The following THRB variants were observed in gnomAD, a reference collection of about 807,000 sequenced individuals.
The protein encoded by THRB is thyroid hormone receptor beta.
Under a neutral mutation model 47.8 loss-of-function variants are expected in THRB, and 12 were observed. The observed-to-expected ratio is 0.25, with a 90% CI of 0.16 to 0.41. The LOEUF (loss-of-function observed/expected upper bound fraction) is 0.41, where lower values mean the gene tolerates loss of function less well. Ranked by LOEUF, THRB falls within the 10% of genes least tolerant of loss-of-function variation. THRB has a pLI of 1.00. For synonymous variants in THRB, 218 were observed against 212.2 expected, an observed-to-expected ratio of 1.03 and a Z score of -0.24; for missense variants, 348 against 589.2, an observed-to-expected ratio of 0.59 and a Z score of 4.24.
At chr3:24,240,612 C>A (rs1302896181) in intron 3 of THRB, among the ~76,000 whole-genome samples, 1 of 152,128 alleles carries the variant, frequency 6.6e-6, no homozygotes, top group Non-Finnish European at 1.5e-5. Context: ...GCCTGCATTC[C>A]AATTCTGTGC....
intron 1 of THRB, among the ~76,000 whole-genome samples, chr3:24,385,289 T>G (rs574311130): frequency 6.6e-6 from 1 of 152,166 alleles, no homozygotes; most frequent in Admixed American, 6.6e-5. Flanking sequence ...CTTGGGAGAA[T>G]AAACTACTTT....
At chr3:24,190,389 T>C in intron 4 of THRB, 55 bp from the exon 5 acceptor site, 1 of 1,611,356 alleles carries the variant, frequency 6.2e-7, no homozygotes, top group Non-Finnish European at 8.5e-7. Context: ...AAGATTTTGC[T>C]GAGATGCAGA....
intron 2 of THRB, among the ~76,000 whole-genome samples, chr3:24,299,770 TTTATTTATTTATTTATTTA>T (rs1372990817): frequency 5.9e-5 from 4 of 67,374 alleles, no homozygotes; most frequent in African/African-American, 1.3e-4. Context: ...AGTATGCTTT[TTTATTTATTTATTTATTTA>T]TTTTTTTTTT....
At chr3:24,353,460 G>A (rs2063486831) in intron 1 of THRB, among the ~76,000 whole-genome samples, 1 of 152,060 alleles carries the variant, frequency 6.6e-6, no homozygotes, top group Non-Finnish European at 1.5e-5. Context: ...TTCAAGCTAG[G>A]ACCATAGACA....
rs1677267609 is a variant in THRB at position 24,337,299 on chromosome 3, CCTT to C, written c.-191_-189del. On this transcript the variant is annotated splice_region_variant and 5_prime_UTR_variant, in exon 2 of 11. Transcript: ENST00000646209. ...TGCAAATAGTCAAGCTGACATCTGA[CCTT>C]CTTATTCATTAAATCATGTGTGGAA... The C allele has an allele frequency of 6.6e-6, 1 of 152,132 alleles. No individual in the cohort carries two copies. The highest frequency in any genetic ancestry group is 1.5e-5 in the Non-Finnish European group (1 of 68,032). 9.4% of individuals were successfully genotyped at this position (152,132 alleles called of 1,614,324 possible). A position where few individuals can be genotyped will look rare whatever the true frequency, so the allele number is the denominator to read the frequency against.
In THRB at chr3:24,349,865, G is replaced by A. The variant is rs571176925; in HGVS notation, c.-260-12494C>T. ...AAGTAAACAATAAATGTTAAAAGGA[G>A]GTAATAAAGGAAAAGGTAAGAAATT... On this transcript the variant is annotated intron_variant, in intron 1 of 10. Transcript: ENST00000646209. Among the ~76,000 whole-genome samples the A allele has an allele frequency of 5.3e-5, 8 of 151,912 alleles. No homozygotes were observed. The East Asian group carries it at 1.5e-3, about 29-fold the overall frequency.
chr3:24,206,729 G>C (rs1026281528), intron 4 of THRB, among the ~76,000 whole-genome samples: 11 of 152,098 alleles, frequency 7.2e-5, no homozygotes, highest in Non-Finnish European at 1.3e-4. Context: ...TTTTTGAAAA[G>C]ATCAACAAAA....
intron 1 of THRB, among the ~76,000 whole-genome samples, chr3:24,471,563 G>A (rs911441784): frequency 6.6e-6 from 1 of 152,132 alleles, no homozygotes; most frequent in Non-Finnish European, 1.5e-5. Context: ...TCCACACTCT[G>A]TAGTGGAGCA....
intron 5 of THRB, among the ~76,000 whole-genome samples, chr3:24,155,661 T>G (rs2037707520): frequency 6.6e-6 from 1 of 152,254 alleles, no homozygotes; most frequent in South Asian, 2.1e-4. Flanking sequence ...CTCCATCATT[T>G]TCCTTTGTCA....
intron 8 of THRB, among the ~76,000 whole-genome samples, chr3:24,140,692 A>G (rs1031705908): frequency 1.3e-5 from 2 of 152,332 alleles, no homozygotes; most frequent in East Asian, 1.9e-4. Flanking sequence ...AGTAACTTAA[A>G]TATCACTTCT....
chr3:24,303,916 G>C (rs746931806), intron 2 of THRB, among the ~76,000 whole-genome samples: 1 of 151,990 alleles, frequency 6.6e-6, no homozygotes, highest in East Asian at 1.9e-4. Flanking sequence ...AATTTTTAAC[G>C]ATGTTTAATT....
At chr3:24,255,243 C>T (rs1237739488) in intron 3 of THRB, among the ~76,000 whole-genome samples, 1 of 152,188 alleles carries the variant, frequency 6.6e-6, no homozygotes, top group Non-Finnish European at 1.5e-5. Flanking sequence ...ACTCTTCCCT[C>T]CCTCTATGCA....
intron 1 of THRB, among the ~76,000 whole-genome samples, chr3:24,421,287 A>G (rs959250170): frequency 5.3e-5 from 8 of 151,772 alleles, no homozygotes; most frequent in African/African-American, 1.9e-4. Context: ...TCTTTACAAC[A>G]AACCCCCGTG....
intron 1 of THRB, among the ~76,000 whole-genome samples, chr3:24,488,314 A>G (rs2043580): frequency 0.97 from 147,086 of 152,336 alleles, 71,033 homozygotes; most frequent in East Asian, 1. Context: ...GTCCAGACCA[A>G]TCCTTTCCTA....
intron 2 of THRB, among the ~76,000 whole-genome samples, chr3:24,299,267 A>G (rs1035135736): frequency 6.7e-6 from 1 of 150,254 alleles, no homozygotes; most frequent in Non-Finnish European, 1.5e-5. Context: ...AAAAAAAAAA[A>G]AAAAAAGAAA....
At chr3:24,213,495 A>G (rs1022655634) in intron 4 of THRB, among the ~76,000 whole-genome samples, 4 of 152,182 alleles carry the variant, frequency 2.6e-5, no homozygotes, top group African/African-American at 4.8e-5. Flanking sequence ...GCCCTGGTCA[A>G]TATTTCCAGT....
chr3:24,324,083 C>T (rs2058658065), intron 2 of THRB, among the ~76,000 whole-genome samples: 1 of 152,150 alleles, frequency 6.6e-6, no homozygotes, highest in African/African-American at 2.4e-5. Context: ...GGCACTTGAC[C>T]TGCCTCAGTC....
At chr3:24,165,243 C>A in intron 5 of THRB, 1 of 764,994 alleles carries the variant, frequency 1.3e-6, no homozygotes, top group East Asian at 2.4e-5. Flanking sequence ...GCATCGCAAC[C>A]GCTGTAACCC....
At chr3:24,295,305 T>A (rs1358008263) in intron 3 of THRB, among the ~76,000 whole-genome samples, 4 of 152,218 alleles carry the variant, frequency 2.6e-5, no homozygotes, top group Admixed American at 6.5e-5. Context: ...ACTTCGAAGA[T>A]GCAAGAAGGT....
Sources: allele counts gnomAD v4.1 joint callset (sites outside exome capture counted in the v4.1 genomes callset), GRCh38; gene constraint gnomAD v4.1.1; transcripts MANE v1.5; gene names NCBI Gene and HGNC (gene_info 2026-07-23, HGNC 2026-07-21).